The following CAPS2 variants were observed in gnomAD, a reference collection of about 807,000 sequenced individuals.
The protein encoded by CAPS2 is calcyphosin-2.
In CAPS2, 98 loss-of-function variants were observed where a neutral mutation model predicts 86.5. The ratio of observed to expected loss-of-function variants is 1.13; its 90% CI spans 0.96 to 1.34. The LOEUF is 1.34. CAPS2 is among the 40% of genes most tolerant of loss of function. CAPS2 has a pLI of 0.00. For synonymous variants in CAPS2, 210 were observed against 225.1 expected (o/e 0.93, Z 0.60); for missense variants, 729 against 686.8 (o/e 1.06, Z -0.69).
upstream of CAPS2, chr12:75,329,861 C>G: frequency 6.5e-7 from 1 of 1,543,238 alleles, no homozygotes. Flanking sequence ...ATTCCCCATC[C>G]CCTACCTAAC....
At chr12:75,359,947 T>C (rs1423115639) in intron 1 of CAPS2, 1 of 152,080 alleles carries the variant, frequency 6.6e-6, no homozygotes, top group African/African-American at 2.4e-5. Context: ...CCTCAGAAAC[T>C]TACAATGATG....
At chr12:75,370,115 C>A in intron 1 of CAPS2, 1 of 1,606,920 alleles carries the variant, frequency 6.2e-7, no homozygotes, top group Non-Finnish European at 8.5e-7. Flanking sequence ...ACGGGGAGAG[C>A]ACCTCAGCAG....
intron 1 of CAPS2, among the ~76,000 whole-genome samples, chr12:75,325,845 T>A (rs1258608793): frequency 2.0e-5 from 3 of 152,032 alleles, no homozygotes; most frequent in Non-Finnish European, 4.4e-5. Flanking sequence ...ATAGTACAAG[T>A]TAGGGAACTT....
chr12:75,319,623 C>T (rs2138964595), intron 5 of CAPS2, among the ~76,000 whole-genome samples: 1 of 152,234 alleles, frequency 6.6e-6, no homozygotes, highest in South Asian at 2.1e-4. Context: ...AGACAAGAAT[C>T]AAGTAGAGTC....
At chr12:75,343,558 C>G (rs574576868) in intron 1 of CAPS2, 112 of 685,326 alleles carry the variant, frequency 1.6e-4, no homozygotes, top group African/African-American at 1.1e-3. Context: ...TAACTATGCA[C>G]ATAATAAATA....
At chr12:75,344,114 G>C (rs925662009) in intron 1 of CAPS2, among the ~76,000 whole-genome samples, 3 of 151,868 alleles carry the variant, frequency 2.0e-5, no homozygotes, top group Non-Finnish European at 4.4e-5. Context: ...TATGTTTCTT[G>C]TGCTGCAGTT....
intron 7 of CAPS2, among the ~76,000 whole-genome samples, chr12:75,311,700 G>GAAAAAAAAAAAAA (rs1306107054): frequency 3.0e-4 from 2 of 6,714 alleles, no homozygotes; most frequent in Admixed American, 1.8e-3. Context: ...AGCCATGCAG[G>GAAAAAAAAAAAAA]AAAAAAAAAA....
chr12:75,309,682 G>A (rs1441370025), intron 7 of CAPS2, among the ~76,000 whole-genome samples: 2 of 152,174 alleles, frequency 1.3e-5, no homozygotes, highest in Non-Finnish European at 2.9e-5. Flanking sequence ...GGAACATTCA[G>A]GAAAAGCTTT....
chr12:75,370,392 C>A (rs2044283716), intron 1 of CAPS2: 2 of 390,518 alleles, frequency 5.1e-6, no homozygotes, highest in Non-Finnish European at 9.3e-6. Flanking sequence ...AATTACAAAT[C>A]CATATGTGTA....
upstream of CAPS2, chr12:75,334,899 C>A: frequency 6.2e-7 from 1 of 1,613,318 alleles, no homozygotes; most frequent in Non-Finnish European, 8.5e-7. Flanking sequence ...ACATGAAATA[C>A]ATGGTGAGAA....
upstream of CAPS2, among the ~76,000 whole-genome samples, chr12:75,329,302 T>C (rs1415941311): frequency 1.3e-5 from 2 of 152,196 alleles, no homozygotes; most frequent in East Asian, 3.9e-4. Flanking sequence ...AAGCACTGAA[T>C]ATCCAGCTGG....
Position 75,293,245 on chromosome 12 carries a change from T to C in CAPS2, c.1163+4A>G. Reference sequence around the variant, plus strand: ...TCAAATTGCCAAATGCATATTTAACTTACTTGAGAGAATCCAAAGCTATTT... The same window carrying C: ...TCAAATTGCCAAATGCATATTTAACCTACTTGAGAGAATCCAAAGCTATTT... On this transcript the variant is annotated splice_donor_region_variant and intron_variant, in intron 12 of 16. Transcript: ENST00000393284. The C allele has an allele frequency of 1.9e-6, 3 of 1,551,136 alleles. No individual in the cohort carries two copies. Among genetic ancestry groups the C allele is most frequent in the Non-Finnish European group, 2.7e-6 (3 of 1,129,796 alleles).
chr12:75,377,652 C>A (rs933755704), intron 1 of CAPS2, among the ~76,000 whole-genome samples: 1 of 152,114 alleles, frequency 6.6e-6, no homozygotes, highest in Non-Finnish European at 1.5e-5. Flanking sequence ...CCTTCTCCTG[C>A]CTGCTTTATT....
upstream of CAPS2, among the ~76,000 whole-genome samples, chr12:75,328,257 T>A (rs1189165295): frequency 1.3e-5 from 2 of 152,174 alleles, no homozygotes; most frequent in Non-Finnish European, 2.9e-5. Flanking sequence ...CAAGTTGAGA[T>A]AAGGACGCTG....
At chr12:75,279,199 T>TA in intron 16 of CAPS2, 134 bp from the exon 17 acceptor site, 1 of 808,100 alleles carries the variant, frequency 1.2e-6, no homozygotes, top group Non-Finnish European at 1.9e-6. Context: ...TACCAGCCAA[T>TA]TTATTTACAC....
intron 1 of CAPS2, among the ~76,000 whole-genome samples, chr12:75,378,355 C>T (rs1454559934): frequency 6.6e-6 from 1 of 152,078 alleles, no homozygotes; most frequent in East Asian, 1.9e-4. Context: ...AGTCTGCTTA[C>T]ATCTGTCAGT....
chr12:75,363,024 A>G, intron 1 of CAPS2: 1 of 636,074 alleles, frequency 1.6e-6, no homozygotes, highest in Non-Finnish European at 2.7e-6. Flanking sequence ...AAATGACTAA[A>G]ACAACTTGCA....
At chr12:75,284,488 A>G (rs1471073191) in intron 15 of CAPS2, among the ~76,000 whole-genome samples, 1 of 152,158 alleles carries the variant, frequency 6.6e-6, no homozygotes, top group African/African-American at 2.4e-5. Context: ...TTTATCATGC[A>G]TATTCTAAAG....
intron 7 of CAPS2, among the ~76,000 whole-genome samples, 172 bp downstream of exon 7, chr12:75,312,676 G>C (rs2039352650): frequency 6.6e-6 from 1 of 152,080 alleles, no homozygotes; most frequent in Non-Finnish European, 1.5e-5. Flanking sequence ...ATTCGTCTAA[G>C]AGTGCTGTGA....
Sources: gnomAD v4.1 joint callset for allele counts (sites outside exome capture counted in the v4.1 genomes callset) on GRCh38, gnomAD v4.1.1 for gene constraint, MANE v1.5 for transcripts, NCBI Gene and HGNC (gene_info 2026-07-23, HGNC 2026-07-21) for gene names.